The following MTMR8 variants were observed in gnomAD, a reference collection of about 807,000 sequenced individuals.
MTMR8 encodes myotubularin related protein 8, also known as phosphatidylinositol-3,5-bisphosphate 3-phosphatase MTMR8.
MTMR8 carries 65 observed loss-of-function variants against 39.3 expected under a neutral mutation model. The ratio of observed to expected loss-of-function variants is 1.65; its 90% confidence interval spans 1.35 to 2.03. The LOEUF (loss-of-function observed/expected upper bound fraction) is 2.03, where lower values mean the gene tolerates loss of function less well. MTMR8 is among the 30% of genes most tolerant of loss of function. The pLI, the probability that MTMR8 is intolerant of heterozygous loss-of-function variation, is 0.00. For synonymous variants in MTMR8, 245 were observed against 185.2 expected (o/e 1.32, Z -2.62); for missense variants, 777 against 538.9 (o/e 1.44, Z -4.37).
rs1924180583 is a variant in MTMR8, at chrX:64,373,454, T to C, written c.25-13927A>G. On this transcript the variant is annotated intron_variant, in intron 1 of 13. Coordinates refer to ENST00000374852, the MANE Select transcript of MTMR8 (RefSeq NM_017677.4). ...CCAGCCATTTGAAAATAAACCTGCT[T>C]CCCCTTCACCTTCTGCCATGACTGA... is the stretch of plus-strand genomic sequence containing the variant. 1.8e-5 allele frequency among the ~76,000 whole-genome samples: 2 copies of C among 111,411 alleles called. 1 individual carries two copies. The highest frequency in any genetic ancestry group is 1.9e-4 in the Admixed American group (2 of 10,443).
chrX:64,292,381 A>ACTC (rs1300423619), intron 12 of MTMR8, among the ~76,000 whole-genome samples: 1 of 111,500 alleles, frequency 9.0e-6, no homozygotes, highest in African/African-American at 3.3e-5. Flanking sequence ...TGGCTATCCT[A>ACTC]CTCAAGGGAT....
chrX:64,366,638 C>T (rs918452208), intron 1 of MTMR8, among the ~76,000 whole-genome samples: 3 of 111,908 alleles, frequency 2.7e-5, no homozygotes, highest in African/African-American at 6.5e-5. Context: ...GCACTAAATG[C>T]CCACAAGAGA....
At chrX:64,382,322 C>T (rs1052898779) in intron 1 of MTMR8, among the ~76,000 whole-genome samples, 2 of 111,346 alleles carry the variant, frequency 1.8e-5, no homozygotes, top group Admixed American at 1.9e-4. Flanking sequence ...CCTTCACGTC[C>T]CTTGTAAGTT....
intron 1 of MTMR8, among the ~76,000 whole-genome samples, chrX:64,376,714 C>T (rs1234629104): frequency 8.9e-6 from 1 of 112,516 alleles, no homozygotes; most frequent in East Asian, 2.8e-4. Flanking sequence ...GAAGAGAAAA[C>T]CCATTTTCAG....
chrX:64,269,077 T>A, intron 13 of MTMR8, 34 bp from the exon 14 acceptor site: 3 of 1,179,457 alleles, frequency 2.5e-6, no homozygotes, highest in Non-Finnish European at 3.4e-6. Flanking sequence ...TGAGAAGAAT[T>A]AGAAACAGGA....
chrX:64,381,994 T>C (rs756990306), intron 1 of MTMR8, among the ~76,000 whole-genome samples: 2 of 111,821 alleles, frequency 1.8e-5, no homozygotes, highest in African/African-American at 6.5e-5. Flanking sequence ...CCATGCTGTT[T>C]TGGTTATTGT....
At chrX:64,289,663 T>TAAAAAAAAAAAAAAAAAAAAA (rs1921332572) in intron 12 of MTMR8, among the ~76,000 whole-genome samples, 1 of 82,993 alleles carries the variant, frequency 1.2e-5, no homozygotes, top group African/African-American at 7.4e-5. Context: ...AAAAAAAAAT[T>TAAAAAAAAAAAAAAAAAAAAA]AAGTTGGGAG....
At chrX:64,358,834 C>T (rs993823192) in intron 2 of MTMR8, among the ~76,000 whole-genome samples, 18 of 100,137 alleles carry the variant, frequency 1.8e-4, no homozygotes, top group Non-Finnish European at 3.1e-4. Context: ...CATACACATG[C>T]CCGTGCATGC....
At chrX:64,336,173 A>C in intron 9 of MTMR8, 45 bp from the exon 10 acceptor site, 1 of 972,588 alleles carries the variant, frequency 1.0e-6, no homozygotes. Flanking sequence ...GAAAATCATA[A>C]AATGAATTAA....
chrX:64,290,254 C>T (rs1337161497), intron 12 of MTMR8, among the ~76,000 whole-genome samples: 1 of 110,379 alleles, frequency 9.1e-6, no homozygotes, highest in Non-Finnish European at 1.9e-5. Flanking sequence ...CATTTTACTA[C>T]ACTTAAAAGT....
intron 1 of MTMR8, among the ~76,000 whole-genome samples, chrX:64,381,921 C>T (rs968387241): frequency 9.9e-5 from 11 of 111,329 alleles, no homozygotes; most frequent in African/African-American, 2.3e-4. Flanking sequence ...TGTAGATATG[C>T]GGCATTAGTT....
chrX:64,314,854 C>T (rs1602126508), intron 12 of MTMR8, among the ~76,000 whole-genome samples: 2 of 111,410 alleles, frequency 1.8e-5, no homozygotes, highest in African/African-American at 3.3e-5. Context: ...TGCAGTCCAC[C>T]AGCTCAGAAG....
chrX:64,300,761 G>C (rs1377019860), intron 12 of MTMR8, among the ~76,000 whole-genome samples: 2 of 103,522 alleles, frequency 1.9e-5, no homozygotes, highest in Non-Finnish European at 3.9e-5. Flanking sequence ...AGCTCTTGTA[G>C]GGCAGGCCTG....
intron 12 of MTMR8, among the ~76,000 whole-genome samples, chrX:64,310,670 G>T (rs1922268414): frequency 9.1e-6 from 1 of 109,497 alleles, no homozygotes; most frequent in African/African-American, 3.3e-5. Flanking sequence ...CCCCCAACAG[G>T]CCCCAGTGTG....
At chrX:64,310,690 TTA>T (rs1362938127) in intron 12 of MTMR8, among the ~76,000 whole-genome samples, 1 of 109,785 alleles carries the variant, frequency 9.1e-6, no homozygotes, top group African/African-American at 3.3e-5. Flanking sequence ...GTGATGTTCC[TTA>T]CCCTGTGTCC....
chrX:64,375,053 A>T (rs1195781132), intron 1 of MTMR8, among the ~76,000 whole-genome samples: 2 of 105,790 alleles, frequency 1.9e-5, no homozygotes, highest in Non-Finnish European at 3.8e-5. Flanking sequence ...TAAGCAAAAA[A>T]AAAAAAAAAA....
At position 64,336,151 on chromosome X, in the gene MTMR8, T is replaced by G. The variant is rs1923067698; in HGVS notation, c.1102-23A>C. 8 of 1,120,284 alleles carry G rather than the reference T, an allele frequency of 7.1e-6. No individual in the cohort carries two copies. In the East Asian group the frequency reaches 2.4e-4, roughly 34 times the overall value. The allele number at this position is 1,120,284 out of a possible 1,213,427, so 92.3% of individuals were successfully genotyped here. Reference sequence around the variant, plus strand: ...GATCTTCATTTTATAGAAAAGAAAGTGTTTGCATTAGGAAAATCATAAAAT... The same window carrying G: ...GATCTTCATTTTATAGAAAAGAAAGGGTTTGCATTAGGAAAATCATAAAAT... On this transcript the variant is annotated intron_variant, in intron 9 of 13. Coordinates refer to ENST00000374852, the MANE Select transcript of MTMR8 (RefSeq NM_017677.4).
chrX:64,359,321 C>T (rs1406772269), intron 2 of MTMR8, 84 bp downstream of exon 2: 3 of 969,060 alleles, frequency 3.1e-6, no homozygotes, highest in Non-Finnish European at 4.0e-6. Context: ...AAAAATTACA[C>T]TTGAAATTTC....
intron 8 of MTMR8, among the ~76,000 whole-genome samples, chrX:64,343,316 TATC>T (rs1225621075): frequency 8.9e-6 from 1 of 112,018 alleles, no homozygotes; most frequent in African/African-American, 3.2e-5. Context: ...TTTCTGTATG[TATC>T]ATCATATGTT....
Sources: gnomAD v4.1 joint callset for allele counts (sites outside exome capture counted in the v4.1 genomes callset) on GRCh38, gnomAD v4.1.1 for gene constraint, MANE v1.5 for transcripts, NCBI Gene and HGNC (gene_info 2026-07-23, HGNC 2026-07-21) for gene names.